BMPR1B: variants seen among roughly 807,000 people sequenced by gnomAD.
BMPR1B encodes the protein bone morphogenetic protein receptor type 1B, also known as bone morphogenetic protein receptor type-1B.
A neutral mutation model predicts 59.1 loss-of-function variants in BMPR1B; 12 were observed. The observed-to-expected ratio is 0.20, with a 90% confidence interval of 0.13 to 0.33. The LOEUF (loss-of-function observed/expected upper bound fraction) is 0.33, where lower values mean the gene tolerates loss of function less well. Ranked by LOEUF, BMPR1B falls within the 10% of genes least tolerant of loss-of-function variation. BMPR1B has a pLI of 1.00. For missense variants in BMPR1B, 550 were observed against 610.9 expected (o/e 0.90, Z 1.05); for synonymous variants, 237 against 207.3 (o/e 1.14, Z -1.23).
At chr4:95,084,127 A>T (rs1206524618) in intron 3 of BMPR1B, among the ~76,000 whole-genome samples, 2 of 151,902 alleles carry the variant, frequency 1.3e-5, no homozygotes. Flanking sequence ...GTAAAAGTGG[A>T]TGTCAGCTTT....
At chr4:94,923,935 A>G (rs916782453) in intron 2 of BMPR1B, among the ~76,000 whole-genome samples, 2 of 152,164 alleles carry the variant, frequency 1.3e-5, no homozygotes, top group African/African-American at 4.8e-5. Context: ...AATAACATGC[A>G]TAAACCACTC....
chr4:95,150,965 C>G (rs1415945112), intron 11 of BMPR1B, among the ~76,000 whole-genome samples: 1 of 152,136 alleles, frequency 6.6e-6, no homozygotes, highest in African/African-American at 2.4e-5. Flanking sequence ...ATAGAGGAAG[C>G]TCTCAATAAG....
chr4:94,989,074 A>G (rs1299261420), intron 2 of BMPR1B, among the ~76,000 whole-genome samples: 1 of 152,096 alleles, frequency 6.6e-6, no homozygotes, highest in African/African-American at 2.4e-5. Flanking sequence ...TTCACAACTA[A>G]GTTTTTGTCA....
At chr4:94,809,409 G>A (rs1246813763) in intron 1 of BMPR1B, among the ~76,000 whole-genome samples, 2 of 152,150 alleles carry the variant, frequency 1.3e-5, no homozygotes, top group African/African-American at 4.8e-5. Flanking sequence ...ATGAACACAA[G>A]GTCAGTTAGA....
At chr4:94,825,134 A>T (rs1724337082) in intron 1 of BMPR1B, among the ~76,000 whole-genome samples, 1 of 152,148 alleles carries the variant, frequency 6.6e-6, no homozygotes, top group African/African-American at 2.4e-5. Context: ...TGTGGATGGG[A>T]GTTCATCGCT....
chr4:94,864,977 T>C (rs1490394238), intron 1 of BMPR1B, among the ~76,000 whole-genome samples: 1 of 152,174 alleles, frequency 6.6e-6, no homozygotes, highest in Non-Finnish European at 1.5e-5. Context: ...TGCAATGATA[T>C]ATAGATTTTT....
chr4:95,045,924 CTG>C, intron 3 of BMPR1B, among the ~76,000 whole-genome samples: 1 of 152,206 alleles, frequency 6.6e-6, no homozygotes, highest in South Asian at 2.1e-4. Flanking sequence ...TGGGGAGTTT[CTG>C]TGTGAAAATG....
At chr4:94,842,786 T>C (rs529441897) in intron 1 of BMPR1B, among the ~76,000 whole-genome samples, 3 of 152,348 alleles carry the variant, frequency 2.0e-5, no homozygotes, top group East Asian at 1.9e-4. Context: ...GTGATAATTA[T>C]AGGATGAAAA....
chr4:94,961,970 T>G (rs774610035), intron 2 of BMPR1B, among the ~76,000 whole-genome samples: 1 of 152,174 alleles, frequency 6.6e-6, no homozygotes, highest in Non-Finnish European at 1.5e-5. Context: ...TCTAGTTATT[T>G]TGAAATATAT....
chr4:94,899,886 A>G (rs936751503), intron 2 of BMPR1B, among the ~76,000 whole-genome samples: 2 of 152,020 alleles, frequency 1.3e-5, no homozygotes, highest in Non-Finnish European at 2.9e-5. Context: ...GTTCGCCCAC[A>G]CATGGTACAA....
chr4:94,928,946 T>G (rs546095216), intron 2 of BMPR1B, among the ~76,000 whole-genome samples: 6 of 152,238 alleles, frequency 3.9e-5, no homozygotes, highest in Middle Eastern at 3.4e-3. Flanking sequence ...ATTTTTACTT[T>G]TATGCCCCCA....
At chr4:95,123,016 T>G (rs1356737254) in intron 6 of BMPR1B, among the ~76,000 whole-genome samples, 1 of 152,124 alleles carries the variant, frequency 6.6e-6, no homozygotes, top group African/African-American at 2.4e-5. Context: ...AAAATTTACC[T>G]GGGATGATTA....
intron 2 of BMPR1B, among the ~76,000 whole-genome samples, chr4:94,994,939 A>C (rs1052045752): frequency 6.6e-6 from 1 of 152,188 alleles, no homozygotes; most frequent in Non-Finnish European, 1.5e-5. Context: ...CAAAGTAACC[A>C]GCCTGGGGGT....
chr4:94,925,437 G>C (rs531958686), intron 2 of BMPR1B, among the ~76,000 whole-genome samples: 1 of 152,240 alleles, frequency 6.6e-6, no homozygotes, highest in Non-Finnish European at 1.5e-5. Context: ...AGTCTGTTTT[G>C]ATATAAGTCA....
At chr4:94,772,517 T>C (rs145874745) in intron 1 of BMPR1B, among the ~76,000 whole-genome samples, 8 of 152,328 alleles carry the variant, frequency 5.3e-5, no homozygotes, top group African/African-American at 1.9e-4. Context: ...ATTTAAAATA[T>C]TTGATATTAC....
intron 2 of BMPR1B, among the ~76,000 whole-genome samples, chr4:94,977,371 C>T (rs2149083564): frequency 6.6e-6 from 1 of 152,150 alleles, no homozygotes; most frequent in African/African-American, 2.4e-5. Flanking sequence ...TCTGACTATA[C>T]CTGGTATTTT....
At chr4:95,031,828 G>T (rs1724881398) in intron 3 of BMPR1B, among the ~76,000 whole-genome samples, 1 of 152,070 alleles carries the variant, frequency 6.6e-6, no homozygotes, top group Non-Finnish European at 1.5e-5. Flanking sequence ...TTAGGAGACT[G>T]AGGTGGGAGG....
intron 2 of BMPR1B, among the ~76,000 whole-genome samples, chr4:94,940,164 G>C (rs1286810507): frequency 1.3e-5 from 2 of 152,150 alleles, no homozygotes; most frequent in African/African-American, 4.8e-5. Context: ...TTCTTCATCT[G>C]ACTTCTTGTA....
At chr4:94,963,773 A>AG (rs1578856678) in intron 2 of BMPR1B, among the ~76,000 whole-genome samples, 2 of 152,080 alleles carry the variant, frequency 1.3e-5, no homozygotes, top group Admixed American at 1.3e-4. Context: ...GGTAACGTGA[A>AG]GCCCATAGCT....
Sources: gnomAD v4.1 joint callset for allele counts (sites outside exome capture counted in the v4.1 genomes callset) on GRCh38, gnomAD v4.1.1 for gene constraint, MANE v1.5 for transcripts, NCBI Gene and HGNC (gene_info 2026-07-23, HGNC 2026-07-21) for gene names.